Variants in YAF2 observed in about 807,000 individuals in gnomAD.
YAF2 encodes YY1 associated factor 2.
YAF2 carries 7 observed loss-of-function variants against 20.1 expected under a neutral mutation model. The observed-to-expected ratio is 0.35, with a 90% confidence interval of 0.20 to 0.65. The LOEUF (loss-of-function observed/expected upper bound fraction) is 0.65. Among genes scored for constraint, YAF2 ranks in the 30% least tolerant of loss-of-function variants. The pLI, the probability that YAF2 is intolerant of heterozygous loss-of-function variation, is 0.69. For missense variants in YAF2, 151 were observed against 219.2 expected, an observed-to-expected ratio of 0.69 and a Z score of 1.96; for synonymous variants, 74 against 76.0, an observed-to-expected ratio of 0.97 and a Z score of 0.14.
At chr12:42,218,885 T>C (rs1422595080) in intron 2 of YAF2, among the ~76,000 whole-genome samples, 2 of 151,968 alleles carry the variant, frequency 1.3e-5, no homozygotes, top group Admixed American at 6.6e-5. Flanking sequence ...AGGAAAGATA[T>C]AGGGAAGGAG....
intron 2 of YAF2, among the ~76,000 whole-genome samples, chr12:42,237,256 C>T (rs544440420): frequency 1.3e-5 from 2 of 152,258 alleles, no homozygotes; most frequent in South Asian, 2.1e-4. Flanking sequence ...TTTCCTTGAT[C>T]CCCACACACT....
intron 2 of YAF2, chr12:42,232,147 G>T (rs1449691347): frequency 6.6e-6 from 1 of 152,372 alleles, no homozygotes; most frequent in East Asian, 1.9e-4. Context: ...CTGCTTCAAG[G>T]ATATTCTTAA....
At chr12:42,219,082 C>T (rs1339733306) in intron 2 of YAF2, among the ~76,000 whole-genome samples, 2 of 152,264 alleles carry the variant, frequency 1.3e-5, no homozygotes, top group South Asian at 4.1e-4. Flanking sequence ...TTGCAAAACA[C>T]CCTTATAAAA....
In YAF2 at chr12:42,160,522, C is replaced by T. The variant is rs1238343206; in HGVS notation, c.*67G>A. On this transcript the variant is annotated 3_prime_UTR_variant, in exon 4 of 4. Transcript: ENST00000534854. ...TGTATCTGTCATGAAAATGTGGTACCTCTTGGCATAATCTGTGTATTTGCA... is the reference window on the plus strand; with the variant it reads ...TGTATCTGTCATGAAAATGTGGTACTTCTTGGCATAATCTGTGTATTTGCA... 7.4e-6 allele frequency: 9 copies of T among 1,208,378 alleles called. No homozygotes were observed. The East Asian group carries it at 2.1e-4, about 28-fold the overall frequency. The allele number at this position is 1,208,378 out of a possible 1,614,324, so 74.9% of individuals were successfully genotyped here. A position where few individuals can be genotyped will look rare whatever the true frequency, so the allele number is the denominator to read the frequency against.
At chr12:42,188,384 T>TTC (rs539975414) in intron 2 of YAF2, among the ~76,000 whole-genome samples, 1 of 116,902 alleles carries the variant, frequency 8.6e-6, no homozygotes, top group Non-Finnish European at 1.7e-5. Flanking sequence ...TATATTTTGC[T>TTC]TTTTTTTTTT....
At chr12:42,193,105 AGGAGTTT>A in intron 2 of YAF2, among the ~76,000 whole-genome samples, 1 of 152,298 alleles carries the variant, frequency 6.6e-6, no homozygotes, top group South Asian at 2.1e-4. Flanking sequence ...ACTAGAGGCC[AGGAGTTT>A]GAGACCAGCC....
In YAF2 at chr12:42,160,870, C is replaced by T. The variant is rs142237287; in HGVS notation, c.306-44G>A. On this transcript the variant is annotated intron_variant, in intron 3 of 3. Transcript: ENST00000534854. ...AATTTTAAACTAGCTTTTCCCTCTA[C>T]CAAATTTCTGAGCATATAATAAATA... The T allele has an allele frequency of 4.5e-5, 68 of 1,507,742 alleles. No individual in the cohort carries two copies. The East Asian group carries it at 1.5e-3, about 34-fold the overall frequency. 93.4% of individuals were successfully genotyped at this position (1,507,742 alleles called of 1,614,324 possible).
intron 2 of YAF2, among the ~76,000 whole-genome samples, chr12:42,198,341 G>C (rs2066808636): frequency 6.6e-6 from 1 of 152,190 alleles, no homozygotes; most frequent in Admixed American, 6.5e-5. Flanking sequence ...CCAGCACTTT[G>C]GAAGGCTGAG....
At position 42,159,725 on chromosome 12, in the gene YAF2, T is replaced by C. The variant is rs905942877; in HGVS notation, c.*864A>G. On this transcript the variant is annotated 3_prime_UTR_variant, in exon 4 of 4. Coordinates refer to ENST00000534854, the MANE Select transcript of YAF2 (RefSeq NM_005748.6). ...CAAGAAAACAATGATAAAACTATCATTAAGTTAAAGCTTTTCTAAAATTGC... is the reference window on the plus strand; with the variant it reads ...CAAGAAAACAATGATAAAACTATCACTAAGTTAAAGCTTTTCTAAAATTGC... 1.3e-5 allele frequency: 2 copies of C among 152,512 alleles called. No individual in the cohort carries two copies. The highest frequency in any genetic ancestry group is 6.6e-5 in the Admixed American group (1 of 15,264). 9.4% of individuals were successfully genotyped at this position (152,512 alleles called of 1,614,324 possible). A position where few individuals can be genotyped will look rare whatever the true frequency, so the allele number is the denominator to read the frequency against.
chr12:42,212,614 T>C (rs544890563), intron 2 of YAF2: 1 of 236,884 alleles, frequency 4.2e-6, no homozygotes, highest in East Asian at 1.3e-4. Flanking sequence ...AAAATCATTC[T>C]ACACAATCAA....
chr12:42,215,219 A>G (rs896263805), intron 2 of YAF2, among the ~76,000 whole-genome samples: 1 of 152,112 alleles, frequency 6.6e-6, no homozygotes, highest in Admixed American at 6.6e-5. Flanking sequence ...TATGTTCTAA[A>G]TAACTTTGTT....
intron 2 of YAF2, among the ~76,000 whole-genome samples, chr12:42,178,664 C>G (rs2066260785): frequency 6.6e-6 from 1 of 151,940 alleles, no homozygotes; most frequent in African/African-American, 2.4e-5. Flanking sequence ...GTGTCAGCAC[C>G]ACTTTCAAAC....
rs12297435 is a variant in YAF2 at position 42,181,414 on chromosome 12, T to C, written c.153-19649A>G. Among the ~76,000 whole-genome samples, 1,384 of 152,302 alleles carry C rather than the reference T, an allele frequency of 9.1e-3. 27 individuals carry two copies. Among genetic ancestry groups the C allele is most frequent in the African/African-American group, 0.032 (1,328 of 41,556 alleles). On this transcript the variant is annotated intron_variant, in intron 2 of 3. Transcript: ENST00000534854. ...TAGTATTATTGCCCCTTTCATCCTGTGTCTCCACTGCCTTTTACCAGCCAG... is the reference window on the plus strand; with the variant it reads ...TAGTATTATTGCCCCTTTCATCCTGCGTCTCCACTGCCTTTTACCAGCCAG...
chr12:42,225,780 G>A (rs2067673217), intron 2 of YAF2, among the ~76,000 whole-genome samples: 1 of 152,196 alleles, frequency 6.6e-6, no homozygotes, highest in South Asian at 2.1e-4. Flanking sequence ...GGTTACTGTA[G>A]ACTTGTGGTA....
At chr12:42,235,608 A>G in intron 2 of YAF2, 1 of 1,473,216 alleles carries the variant, frequency 6.8e-7, no homozygotes, top group South Asian at 1.4e-5. Flanking sequence ...GGTGTAGAAC[A>G]CTTACTTTCA....
At position 42,161,476 on chromosome 12, in the gene YAF2, T is replaced by C. The variant is rs192160594; in HGVS notation, c.305+137A>G. 20 of 975,730 alleles carry C rather than the reference T, an allele frequency of 2.0e-5. No homozygotes were observed. The African/African-American group carries it at 2.9e-4, about 14-fold the overall frequency. The allele number at this position is 975,730 out of a possible 1,614,324, so 60.4% of individuals were successfully genotyped here. A position where few individuals can be genotyped will look rare whatever the true frequency, so the allele number is the denominator to read the frequency against. On this transcript the variant is annotated intron_variant, in intron 3 of 3. Transcript: ENST00000534854. ...TTTCCTATGTATCTTTCAAACTCAG[T>C]AAAACCTTTCCTGATACCTTATAAT... is the stretch of plus-strand genomic sequence containing the variant.
intron 2 of YAF2, among the ~76,000 whole-genome samples, chr12:42,186,187 C>A (rs1272582747): frequency 5.0e-5 from 2 of 39,876 alleles, no homozygotes; most frequent in South Asian, 1.2e-3. Flanking sequence ...CAAACTCTGT[C>A]TCAAAAAAAA....
At chr12:42,180,493 G>A (rs972453192) in intron 2 of YAF2, among the ~76,000 whole-genome samples, 1 of 152,230 alleles carries the variant, frequency 6.6e-6, no homozygotes, top group Admixed American at 6.5e-5. Context: ...GCTGACTGCA[G>A]CCTTGTATCA....
rs970942357 is a variant in YAF2, at chr12:42,159,062, C to G, written c.*1527G>C. On this transcript the variant is annotated 3_prime_UTR_variant, in exon 4 of 4. Coordinates refer to ENST00000534854, the MANE Select transcript of YAF2 (RefSeq NM_005748.6). Reference sequence around the variant, plus strand: ...GGTATATAAATGTTTTAATCACAGACTTTTACTGTATGCAATTAATTGTAT... The same window carrying G: ...GGTATATAAATGTTTTAATCACAGAGTTTTACTGTATGCAATTAATTGTAT... 1 of 152,080 alleles carries G rather than the reference C, an allele frequency of 6.6e-6. No individual in the cohort carries two copies. Among genetic ancestry groups the G allele is most frequent in the Admixed American group, 6.6e-5 (1 of 15,252 alleles). The allele number at this position is 152,080 out of a possible 1,614,324, so 9.4% of individuals were successfully genotyped here. A position where few individuals can be genotyped will look rare whatever the true frequency, so the allele number is the denominator to read the frequency against.
Sources: allele counts gnomAD v4.1 joint callset (sites outside exome capture counted in the v4.1 genomes callset), GRCh38; gene constraint gnomAD v4.1.1; transcripts MANE v1.5; gene names NCBI Gene and HGNC (gene_info 2026-07-23, HGNC 2026-07-21).